PLS1: variants seen among roughly 807,000 people sequenced by gnomAD.
The protein encoded by PLS1 is plastin 1, also known as plastin-1.
PLS1 carries 32 observed loss-of-function variants against 73.7 expected under a neutral mutation model. The ratio of observed to expected loss-of-function variants is 0.43; its 90% confidence interval spans 0.33 to 0.58. The LOEUF is 0.58. PLS1 is among the 20% of genes least tolerant of loss of function. The probability of loss-of-function intolerance (pLI) is 0.04; values close to 1 mark genes in which losing one functional copy is unlikely to be tolerated. For synonymous variants in PLS1, 217 were observed against 261.3 expected, an observed-to-expected ratio of 0.83 and a Z score of 1.63; for missense variants, 633 against 740.5, an observed-to-expected ratio of 0.85 and a Z score of 1.68.
chr3:142,683,188 G>A (rs1166487167), intron 6 of PLS1, among the ~76,000 whole-genome samples: 1 of 152,220 alleles, frequency 6.6e-6, no homozygotes, highest in Non-Finnish European at 1.5e-5. Flanking sequence ...TATGAGAATG[G>A]CAGTAATGCA....
chr3:142,657,893 T>G (rs1347666862), intron 1 of PLS1, among the ~76,000 whole-genome samples: 1 of 152,236 alleles, frequency 6.6e-6, no homozygotes, highest in Middle Eastern at 3.2e-3. Context: ...AAGATTGAAG[T>G]AGTTAAGTTT....
intron 15 of PLS1, 98 bp from the exon 16 acceptor site, chr3:142,711,774 G>T: frequency 1.4e-6 from 2 of 1,434,906 alleles, no homozygotes; most frequent in Non-Finnish European, 1.9e-6. Flanking sequence ...TAACCTTTTC[G>T]TAAAACTAAT....
intron 9 of PLS1, among the ~76,000 whole-genome samples, chr3:142,686,687 C>G (rs976614149): frequency 6.6e-6 from 1 of 152,220 alleles, no homozygotes; most frequent in South Asian, 2.1e-4. Flanking sequence ...AAGCAGCATT[C>G]CCCAGTAGAG....
At chr3:142,624,368 G>A (rs114315716) in intron 1 of PLS1, among the ~76,000 whole-genome samples, 2,355 of 152,202 alleles carry the variant, frequency 0.015, 24 homozygotes, top group Non-Finnish European at 0.024. Flanking sequence ...ATTTTTAATG[G>A]TTTCTGAGGC....
intron 6 of PLS1, 85 bp from the exon 7 acceptor site, chr3:142,683,920 CA>C (rs2037907166): frequency 2.3e-6 from 2 of 858,842 alleles, no homozygotes; most frequent in Non-Finnish European, 3.5e-6. Context: ...TGAAATTTGG[CA>C]GTCCATTGTT....
intron 9 of PLS1, among the ~76,000 whole-genome samples, chr3:142,689,391 C>T (rs1432019708): frequency 1.3e-5 from 2 of 151,642 alleles, no homozygotes; most frequent in African/African-American, 4.9e-5. Flanking sequence ...CCACTGCACT[C>T]CAGCCTGGGG....
intron 8 of PLS1, among the ~76,000 whole-genome samples, chr3:142,685,852 A>T (rs2037953756): frequency 6.6e-6 from 1 of 152,200 alleles, no homozygotes; most frequent in African/African-American, 2.4e-5. Flanking sequence ...TTTGGAGACA[A>T]TGACATTAGA....
At chr3:142,675,244 C>T (rs2037695330) in intron 4 of PLS1, among the ~76,000 whole-genome samples, 1 of 152,178 alleles carries the variant, frequency 6.6e-6, no homozygotes. Context: ...CTCCGATGGT[C>T]TGCTTCTGAC....
intron 1 of PLS1, among the ~76,000 whole-genome samples, chr3:142,663,442 T>G (rs1214229708): frequency 6.6e-6 from 1 of 151,976 alleles, no homozygotes; most frequent in Non-Finnish European, 1.5e-5. Flanking sequence ...AAAAGCCCCC[T>G]TGCCCCCAAC....
chr3:142,700,894 T>G (rs2038318196), intron 12 of PLS1, among the ~76,000 whole-genome samples: 1 of 152,192 alleles, frequency 6.6e-6, no homozygotes, highest in African/African-American at 2.4e-5. Context: ...ACTTAAGAGA[T>G]CTGATGGTTT....
At chr3:142,609,575 A>G (rs2036082404) in intron 1 of PLS1, among the ~76,000 whole-genome samples, 1 of 152,214 alleles carries the variant, frequency 6.6e-6, no homozygotes, top group South Asian at 2.1e-4. Flanking sequence ...TGAACAATAA[A>G]TGTCTTTTGC....
Position 142,684,026 on chromosome 3 carries a change from G to A in PLS1, c.600G>A (p.Leu200=). The A allele has an allele frequency of 1.2e-6, 2 of 1,607,250 alleles. No homozygotes were observed. Among genetic ancestry groups the A allele is most frequent in the Non-Finnish European group, 1.7e-6 (2 of 1,177,866 alleles). ...TTCAGGAAAATTTAAACCTAGCTCT[G>A]AATTCTGCCTCAGCCATTGGTTGTA... ...FTISENLNLA[L]NSASAIGCTV... is the part of the protein sequence containing the mutation. The change falls in exon 7 of 16, where the codon CTG becomes CTA. Residue 200 remains leucine, a synonymous_variant. Transcript: ENST00000457734.
intron 14 of PLS1, among the ~76,000 whole-genome samples, chr3:142,708,013 GGAAATTAATAATCCCTCT>G (rs1393971166): frequency 3.9e-5 from 6 of 151,962 alleles, no homozygotes; most frequent in Non-Finnish European, 8.8e-5. Flanking sequence ...TCTAAAATGG[GGAAATTAATAATCCCTCT>G]CTACTAAGAT....
rs138865280 is a variant in PLS1, at chr3:142,700,483, C to T, written c.1371+2416C>T. ...GACTACAGGCGCCCGCCACCACGCTCGGCTAATTTTTTTGTATTTTTAGTA... is the reference window on the plus strand; with the variant it reads ...GACTACAGGCGCCCGCCACCACGCTTGGCTAATTTTTTTGTATTTTTAGTA... On this transcript the variant is annotated intron_variant, in intron 12 of 15. Coordinates refer to ENST00000457734, the MANE Select transcript of PLS1 (RefSeq NM_001145319.2). Among the ~76,000 whole-genome samples the T allele has an allele frequency of 5.0e-3, 754 of 152,142 alleles. 16 individuals carry two copies. Among genetic ancestry groups the T allele is most frequent in the African/African-American group, 0.017 (700 of 41,516 alleles).
intron 1 of PLS1, among the ~76,000 whole-genome samples, chr3:142,630,849 C>T (rs2036541541): frequency 6.6e-6 from 1 of 151,436 alleles, no homozygotes; most frequent in Non-Finnish European, 1.5e-5. Context: ...AAATATACTA[C>T]AAAGCAGCAG....
chr3:142,609,349 G>A (rs2036078259), intron 1 of PLS1, among the ~76,000 whole-genome samples: 1 of 152,168 alleles, frequency 6.6e-6, no homozygotes, highest in Non-Finnish European at 1.5e-5. Context: ...CAGAAATCCA[G>A]GCTGCTGTGA....
At chr3:142,665,307 A>C (rs1577861332) in intron 2 of PLS1, among the ~76,000 whole-genome samples, 1 of 151,868 alleles carries the variant, frequency 6.6e-6, no homozygotes, top group South Asian at 2.1e-4. Flanking sequence ...CAAAAAAAAA[A>C]AAAACCAAAA....
intron 1 of PLS1, chr3:142,619,314 T>C (rs138611064): frequency 1.2e-4 from 18 of 152,316 alleles, no homozygotes; most frequent in African/African-American, 4.1e-4. Flanking sequence ...TATTTGCTTT[T>C]TGTGACTCAT....
At chr3:142,614,694 T>C (rs2036183509) in intron 1 of PLS1, among the ~76,000 whole-genome samples, 1 of 152,130 alleles carries the variant, frequency 6.6e-6, no homozygotes, top group South Asian at 2.1e-4. Flanking sequence ...GAGAGGCTCT[T>C]AGTTTGGTGA....
Sources: gnomAD v4.1 joint callset for allele counts (sites outside exome capture counted in the v4.1 genomes callset) on GRCh38, gnomAD v4.1.1 for gene constraint, MANE v1.5 for transcripts, NCBI Gene and HGNC (gene_info 2026-07-23, HGNC 2026-07-21) for gene names.